The following TBX22 variants were observed in gnomAD, a reference collection of about 807,000 sequenced individuals.
TBX22 encodes the protein T-box transcription factor TBX22.
A neutral mutation model predicts 30.1 loss-of-function variants in TBX22; 8 were observed. The ratio of observed to expected loss-of-function variants is 0.27; its 90% CI spans 0.16 to 0.48. The LOEUF (loss-of-function observed/expected upper bound fraction) is 0.48, where lower values mean the gene tolerates loss of function less well. Ranked by LOEUF, TBX22 falls within the 20% of genes least tolerant of loss-of-function variation. The pLI is 0.99. For synonymous variants in TBX22, 173 were observed against 149.1 expected (o/e 1.16, Z -1.17); for missense variants, 463 against 400.5 (o/e 1.16, Z -1.33).
intron 1 of TBX22, among the ~76,000 whole-genome samples, chrX:80,015,476 A>G (rs1923392485): frequency 8.9e-6 from 1 of 112,612 alleles, no homozygotes; most frequent in South Asian, 3.7e-4. Flanking sequence ...TCTTCTTTGC[A>G]CTCATTTGAT....
intron 5 of TBX22, 115 bp downstream of exon 5, chrX:80,025,892 A>G (rs1923951750): frequency 6.1e-6 from 4 of 660,153 alleles, no homozygotes; most frequent in Non-Finnish European, 9.4e-6. Context: ...GTTTTTTAGG[A>G]ACTGTTCAAG....
chrX:80,027,197 G>A (rs1924015856), intron 6 of TBX22, 59 bp from the exon 7 acceptor site: 2 of 657,704 alleles, frequency 3.0e-6, no homozygotes, highest in Non-Finnish European at 5.0e-6. Context: ...ATAAGCAATG[G>A]CAACAGTGTT....
Position 80,030,866 on chromosome X carries a change from A to G in TBX22, c.1318A>G (p.Thr440Ala). The change falls in exon 9 of 9, where the codon ACC (threonine) becomes GCC (alanine). Residue 440 changes from threonine to alanine, a missense_variant. Transcript: ENST00000373296. The stretch of plus-strand genomic sequence containing the variant: ...TCAGTATCTACAAGCACCTAATTCT[A>G]CCAATCAAATGTTATATGGATTACA... ...SDQYLQAPNSTNQMLYGLQSP... is the reference protein window; with the variant it reads ...SDQYLQAPNSANQMLYGLQSP... 3 of 1,211,756 alleles carry G rather than the reference A, an allele frequency of 2.5e-6. No individual in the cohort carries two copies. The highest frequency in any genetic ancestry group is 3.4e-6 in the Non-Finnish European group (3 of 895,453).
rs977398786 is a variant in TBX22 at position 80,031,402 on chromosome X, G to A, written c.*291G>A. 8.7e-5 allele frequency: 24 copies of A among 277,129 alleles called. No homozygotes were observed. Among genetic ancestry groups the A allele is most frequent in the African/African-American group, 6.0e-4 (22 of 36,688 alleles). The allele number at this position is 277,129 out of a possible 1,213,427, so 22.8% of individuals were successfully genotyped here. On this transcript the variant is annotated 3_prime_UTR_variant, in exon 9 of 9. Coordinates refer to ENST00000373296, the MANE Select transcript of TBX22 (RefSeq NM_001109878.2). ...CCACCAGTGAAAATTGATGCTAAGT[G>A]ATGGGATTTTCAATTATACTGAAGC...
At chrX:80,017,005 CAAA>C (rs1270817239) in intron 1 of TBX22, among the ~76,000 whole-genome samples, 2 of 29,293 alleles carry the variant, frequency 6.8e-5, no homozygotes, top group African/African-American at 1.5e-4. Context: ...GATTCTGTCT[CAAA>C]AAAAAAAAAA....
chrX:80,030,803 AC>A lies in TBX22; in HGVS notation c.1257del (p.Asn420IlefsTer66). On this transcript the variant is annotated frameshift_variant, in exon 9 of 9. Transcript: ENST00000373296. LOFTEE classifies it high-confidence loss of function. ...EVPMLSSLGV[T>X]NSKSGSSEDS... ...GCCTATGTTATCTTCCCTGGGGGTCACCAATTCAAAAAGCGGTTCATCTGAA... is the reference window on the plus strand; with the variant it reads ...GCCTATGTTATCTTCCCTGGGGGTCACAATTCAAAAAGCGGTTCATCTGAA... 1 of 1,211,670 alleles carries A rather than the reference AC, an allele frequency of 8.3e-7. No homozygotes were observed. Among genetic ancestry groups the A allele is most frequent in the Non-Finnish European group, 1.1e-6 (1 of 895,179 alleles).
In TBX22 at chrX:80,023,125, G is replaced by C. The variant is rs769623927; in HGVS notation, c.241G>C (p.Gly81Arg). 4.1e-6 allele frequency: 5 copies of C among 1,211,722 alleles called. No individual in the cohort carries two copies. The South Asian group carries it at 5.3e-5, about 13-fold the overall frequency. ...SSGCGSDSGY[G>R]NSSESLEEKD... Reference sequence around the variant, plus strand: ...TGGCTGCGGCAGCGACAGCGGCTACGGCAACAGCTCTGAAAGTCTGGAAGA... The same window carrying C: ...TGGCTGCGGCAGCGACAGCGGCTACCGCAACAGCTCTGAAAGTCTGGAAGA... The change falls in exon 3 of 9, where the codon GGC becomes CGC. Residue 81 changes from glycine to arginine, a missense_variant. Physicochemically the swap from Gly to Arg is moderately radical, Grantham distance 125 (BLOSUM62 -2). Transcript: ENST00000373296.
At chrX:80,026,441 C>G (rs1378762290) in intron 5 of TBX22, among the ~76,000 whole-genome samples, 1 of 111,941 alleles carries the variant, frequency 8.9e-6, no homozygotes, top group African/African-American at 3.3e-5. Context: ...CACTTCTACA[C>G]CAGATGGTCG....
intron 2 of TBX22, chrX:80,022,772 A>T (rs1923777680): frequency 2.5e-6 from 1 of 406,385 alleles, no homozygotes; most frequent in Non-Finnish European, 4.2e-6. Context: ...GAGGGCATCC[A>T]GTCTCGGTTA....
chrX:80,020,471 C>T (rs1923641711), intron 1 of TBX22, among the ~76,000 whole-genome samples: 1 of 111,977 alleles, frequency 8.9e-6, no homozygotes, highest in Non-Finnish European at 1.9e-5. Flanking sequence ...GTTCCTTACA[C>T]GAAATTGGCC....
chrX:80,018,467 T>G (rs1923544886), intron 1 of TBX22, among the ~76,000 whole-genome samples: 1 of 112,199 alleles, frequency 8.9e-6, no homozygotes, highest in East Asian at 2.8e-4. Flanking sequence ...GTGGCTTTCC[T>G]AAAGACTTTC....
intron 1 of TBX22, among the ~76,000 whole-genome samples, chrX:80,018,339 A>C (rs1472906889): frequency 8.9e-6 from 1 of 112,403 alleles, no homozygotes; most frequent in Non-Finnish European, 1.9e-5. Flanking sequence ...TGATAAAAAC[A>C]GGTCATGTAT....
chrX:80,018,138 G>A (rs1923531805), intron 1 of TBX22, among the ~76,000 whole-genome samples: 1 of 112,061 alleles, frequency 8.9e-6, no homozygotes, highest in African/African-American at 3.2e-5. Flanking sequence ...ATTGAATTAA[G>A]CTAACCAGAA....
chrX:80,022,192 G>T, intron 1 of TBX22, 76 bp from the exon 2 acceptor site: 1 of 1,021,815 alleles, frequency 9.8e-7, no homozygotes, highest in Non-Finnish European at 1.4e-6. Flanking sequence ...TGTGCCCTCC[G>T]CCTGTGTCTC....
chrX:80,024,265 TG>T, intron 4 of TBX22, 101 bp downstream of exon 4: 1 of 562,183 alleles, frequency 1.8e-6, no homozygotes, highest in Non-Finnish European at 2.9e-6. Context: ...AACTCTAGCA[TG>T]GGGGGTGGGA....
intron 1 of TBX22, among the ~76,000 whole-genome samples, chrX:80,016,861 T>A (rs1224648954): frequency 6.4e-5 from 7 of 109,038 alleles, no homozygotes; most frequent in Non-Finnish European, 9.6e-5. Flanking sequence ...CAAAAATTAG[T>A]TGGGCGTGGT....
intron 1 of TBX22, among the ~76,000 whole-genome samples, chrX:80,015,186 A>T (rs185989913): frequency 3.6e-5 from 4 of 112,362 alleles, no homozygotes; most frequent in African/African-American, 1.3e-4. Flanking sequence ...AGCCAGCAAT[A>T]GTCCCTCTCC....
At chrX:80,015,999 T>A (rs886141115) in intron 1 of TBX22, among the ~76,000 whole-genome samples, 1 of 111,554 alleles carries the variant, frequency 9.0e-6, no homozygotes, top group Non-Finnish European at 1.9e-5. Context: ...TAGATTGGCT[T>A]CAAGCACAGG....
chrX:80,023,729 G>T (rs761172119), intron 3 of TBX22, among the ~76,000 whole-genome samples: 13 of 111,587 alleles, frequency 1.2e-4, no homozygotes, highest in Non-Finnish European at 2.1e-4. Context: ...CCACAAATCT[G>T]CCTCACAGAA....
Sources: gnomAD v4.1 joint callset for allele counts (sites outside exome capture counted in the v4.1 genomes callset) on GRCh38, gnomAD v4.1.1 for gene constraint, MANE v1.5 for transcripts, NCBI Gene and HGNC (gene_info 2026-07-23, HGNC 2026-07-21) for gene names.